ADAMTS6: variants seen among roughly 807,000 people sequenced by gnomAD.
ADAMTS6 encodes the protein ADAM metallopeptidase with thrombospondin type 1 motif 6.
A neutral mutation model predicts 144.3 loss-of-function variants in ADAMTS6; 23 were observed. That is an observed-to-expected ratio of 0.16 (90% CI 0.11 to 0.23). ADAMTS6 has a LOEUF of 0.23. ADAMTS6 is among the 10% of genes least tolerant of loss of function. The pLI, the probability that ADAMTS6 is intolerant of heterozygous loss-of-function variation, is 1.00. For missense variants in ADAMTS6, 999 were observed against 1,379.6 expected (o/e 0.72, Z 4.37); for synonymous variants, 444 against 457.5 (o/e 0.97, Z 0.38).
chr5:65,231,288 A>G (rs1423391746), intron 15 of ADAMTS6, among the ~76,000 whole-genome samples: 1 of 152,116 alleles, frequency 6.6e-6, no homozygotes, highest in African/African-American at 2.4e-5. Context: ...TAAGAGACAA[A>G]GAAAGTCATT....
chr5:65,217,473 C>T (rs1460966031), intron 18 of ADAMTS6, among the ~76,000 whole-genome samples: 2 of 151,372 alleles, frequency 1.3e-5, no homozygotes, highest in Non-Finnish European at 2.9e-5. Context: ...AGAAAAACAC[C>T]AACCATTTAA....
chr5:65,481,233 ACAC>A (rs1306780069), intron 1 of ADAMTS6, 107 bp downstream of exon 1: 1 of 138,502 alleles, frequency 7.2e-6, no homozygotes, highest in African/African-American at 2.7e-5. Context: ...AAAAAAAAAA[ACAC>A]ACACACAGAA....
At chr5:65,255,539 G>T (rs922406283) in intron 14 of ADAMTS6, among the ~76,000 whole-genome samples, 1 of 152,160 alleles carries the variant, frequency 6.6e-6, no homozygotes, top group Non-Finnish European at 1.5e-5. Context: ...TGAGGAGCAG[G>T]GGAGGAGATC....
At chr5:65,299,842 T>G (rs1355828328) in intron 10 of ADAMTS6, 143 bp downstream of exon 10, 6 of 864,050 alleles carry the variant, frequency 6.9e-6, no homozygotes, top group Non-Finnish European at 1.0e-5. Context: ...CAATGATATA[T>G]TAAAGTATTT....
intron 7 of ADAMTS6, among the ~76,000 whole-genome samples, chr5:65,380,443 G>T (rs1751951329): frequency 6.6e-6 from 1 of 152,014 alleles, no homozygotes; most frequent in Non-Finnish European, 1.5e-5. Context: ...GGGTGTGGTG[G>T]CGAGCACCCA....
At chr5:65,388,163 C>T (rs540203915) in intron 7 of ADAMTS6, among the ~76,000 whole-genome samples, 1 of 152,074 alleles carries the variant, frequency 6.6e-6, no homozygotes, top group Non-Finnish European at 1.5e-5. Context: ...GAGCCAAGAT[C>T]GCGCCATTGC....
At chr5:65,298,571 CAA>C (rs1174039854) in intron 10 of ADAMTS6, among the ~76,000 whole-genome samples, 1 of 152,042 alleles carries the variant, frequency 6.6e-6, no homozygotes, top group Non-Finnish European at 1.5e-5. Flanking sequence ...TAAGAACGAC[CAA>C]AAGATATCTT....
At chr5:65,203,010 C>G (rs1403238199) in intron 20 of ADAMTS6, among the ~76,000 whole-genome samples, 1 of 152,216 alleles carries the variant, frequency 6.6e-6, no homozygotes, top group East Asian at 1.9e-4. Flanking sequence ...CACCAATTCT[C>G]TCTCCCTTAT....
chr5:65,436,911 T>C (rs1757462309), intron 7 of ADAMTS6, among the ~76,000 whole-genome samples: 1 of 150,456 alleles, frequency 6.6e-6, no homozygotes, highest in Admixed American at 6.6e-5. Context: ...ATTAACGAGG[T>C]GTATTAGTCA....
intron 15 of ADAMTS6, among the ~76,000 whole-genome samples, chr5:65,238,172 A>T (rs968966818): frequency 6.6e-6 from 1 of 152,178 alleles, no homozygotes; most frequent in Non-Finnish European, 1.5e-5. Flanking sequence ...AATACAATCA[A>T]TACATGTACA....
At chr5:65,322,496 C>T (rs1745711332) in intron 9 of ADAMTS6, among the ~76,000 whole-genome samples, 1 of 151,598 alleles carries the variant, frequency 6.6e-6, no homozygotes, top group African/African-American at 2.4e-5. Context: ...TTCTTCCTAT[C>T]CATGATCATG....
intron 11 of ADAMTS6, among the ~76,000 whole-genome samples, chr5:65,279,409 C>A (rs187925972): frequency 6.6e-6 from 1 of 152,096 alleles, no homozygotes. Context: ...CTCCGCCTCC[C>A]GGGTTCAAGC....
intron 7 of ADAMTS6, among the ~76,000 whole-genome samples, chr5:65,362,204 GAAAAGA>G (rs1749894520): frequency 6.6e-6 from 1 of 152,196 alleles, no homozygotes; most frequent in Admixed American, 6.5e-5. Flanking sequence ...GTGGTTGGCT[GAAAAGA>G]ACATGAAGTT....
intron 23 of ADAMTS6, among the ~76,000 whole-genome samples, chr5:65,171,712 A>T (rs1295289444): frequency 1.3e-5 from 2 of 152,186 alleles, no homozygotes; most frequent in Non-Finnish European, 2.9e-5. Flanking sequence ...TCATTTAAAA[A>T]AAAAAAGAGC....
At chr5:65,333,266 T>A (rs1746956314) in intron 8 of ADAMTS6, among the ~76,000 whole-genome samples, 1 of 152,128 alleles carries the variant, frequency 6.6e-6, no homozygotes, top group Non-Finnish European at 1.5e-5. Flanking sequence ...TAACTTTAGT[T>A]GCTTAATAAT....
At chr5:65,434,139 C>G (rs1315317301) in intron 7 of ADAMTS6, among the ~76,000 whole-genome samples, 1 of 152,086 alleles carries the variant, frequency 6.6e-6, no homozygotes, top group Non-Finnish European at 1.5e-5. Flanking sequence ...TAAAAAGAAG[C>G]CAGTTACAAA....
At chr5:65,393,695 A>G (rs1190110254) in intron 7 of ADAMTS6, among the ~76,000 whole-genome samples, 1 of 152,122 alleles carries the variant, frequency 6.6e-6, no homozygotes, top group East Asian at 1.9e-4. Flanking sequence ...CTTTTTTTCT[A>G]TTTAATATGA....
intron 15 of ADAMTS6, among the ~76,000 whole-genome samples, chr5:65,229,773 C>T (rs1758000728): frequency 6.6e-6 from 1 of 152,024 alleles, no homozygotes; most frequent in Non-Finnish European, 1.5e-5. Flanking sequence ...ATTTATGGGA[C>T]ATCACCAAGA....
chr5:65,204,464 C>A (rs1186194525), intron 20 of ADAMTS6, among the ~76,000 whole-genome samples: 2 of 152,082 alleles, frequency 1.3e-5, no homozygotes, highest in Non-Finnish European at 2.9e-5. Flanking sequence ...ATCTTGGGGG[C>A]TGTGATGTTC....
Sources: gnomAD v4.1 joint callset for allele counts (sites outside exome capture counted in the v4.1 genomes callset) on GRCh38, gnomAD v4.1.1 for gene constraint, MANE v1.5 for transcripts, NCBI Gene and HGNC (gene_info 2026-07-23, HGNC 2026-07-21) for gene names.